The following PLD1 variants were observed in gnomAD, a reference collection of about 807,000 sequenced individuals.
The protein encoded by PLD1 is choline phosphatase 1.
PLD1 carries 112 observed loss-of-function variants against 137.1 expected under a neutral mutation model. The observed-to-expected ratio is 0.82, with a 90% CI of 0.70 to 0.96. PLD1 has a LOEUF of 0.96. PLD1 is among the 40% of genes least tolerant of loss of function. PLD1 has a pLI of 0.00. For synonymous variants in PLD1, 431 were observed against 454.7 expected, an observed-to-expected ratio of 0.95 and a Z score of 0.66; for missense variants, 1,321 against 1,342.0, an observed-to-expected ratio of 0.98 and a Z score of 0.24.
chr3:171,612,488 G>C lies in PLD1; in HGVS notation c.2729-56C>G. ...CTTCCTGTTGTGGCAGACACTGTTG[G>C]TTGCCCTCCCAACTCAATTCATCCT... On this transcript the variant is annotated intron_variant, in intron 24 of 26. Coordinates refer to ENST00000351298, the MANE Select transcript of PLD1 (RefSeq NM_002662.5). This position sits in a 1 kb window ranked among gnomAD's most constrained non-coding sequence, Gnocchi z 4.1. 1 of 1,512,564 alleles carries C rather than the reference G, an allele frequency of 6.6e-7. No individual in the cohort carries two copies. Among genetic ancestry groups the C allele is most frequent in the Non-Finnish European group, 9.2e-7 (1 of 1,090,574 alleles). 93.7% of individuals were successfully genotyped at this position (1,512,564 alleles called of 1,614,324 possible).
chr3:171,605,010 C>T (rs561390294), intron 26 of PLD1, among the ~76,000 whole-genome samples: 1 of 152,272 alleles, frequency 6.6e-6, no homozygotes, highest in South Asian at 2.1e-4. Flanking sequence ...TGTCACTAGA[C>T]ATGTACAAAG....
intron 21 of PLD1, chr3:171,653,658 T>C (rs939887526): frequency 2.0e-5 from 3 of 150,038 alleles, no homozygotes; most frequent in Non-Finnish European, 3.0e-5. Flanking sequence ...GCATAAATAC[T>C]AATTTTGAAA....
At position 171,686,816 on chromosome 3, in the gene PLD1, T is replaced by A. The variant is rs752863457; in HGVS notation, c.1754-18A>T. 2.4e-6 allele frequency: 3 copies of A among 1,234,988 alleles called. No homozygotes were observed. The highest frequency in any genetic ancestry group is 2.4e-5 in the East Asian group (1 of 42,422). 76.5% of individuals were successfully genotyped at this position (1,234,988 alleles called of 1,614,324 possible). On this transcript the variant is annotated intron_variant, in intron 15 of 26. Coordinates refer to ENST00000351298, the MANE Select transcript of PLD1 (RefSeq NM_002662.5). ...AAAATAACCTAGAGAAATTAAGAAT[T>A]TTTTTACAAAAAAATACAAATATCA... is the stretch of plus-strand genomic sequence containing the variant.
chr3:171,692,165 G>A (rs568140200), intron 13 of PLD1, among the ~76,000 whole-genome samples, 167 bp downstream of exon 13: 27 of 152,308 alleles, frequency 1.8e-4, no homozygotes, highest in Admixed American at 1.4e-3. Context: ...TCAATGTAGG[G>A]AAGATAAGAA....
chr3:171,781,065 A>G (rs568577868), intron 1 of PLD1, among the ~76,000 whole-genome samples: 1 of 152,328 alleles, frequency 6.6e-6, no homozygotes, highest in Admixed American at 6.5e-5. Context: ...ACTTCAAGAC[A>G]TCGTAGTAAG....
At chr3:171,624,860 C>A (rs936550822) in intron 23 of PLD1, among the ~76,000 whole-genome samples, 6 of 151,756 alleles carry the variant, frequency 4.0e-5, no homozygotes, top group African/African-American at 1.5e-4. Flanking sequence ...GAGCATTTTT[C>A]CAAGAAGAAA....
intron 1 of PLD1, among the ~76,000 whole-genome samples, chr3:171,767,855 C>T (rs1195771179): frequency 6.6e-6 from 1 of 151,956 alleles, no homozygotes; most frequent in Non-Finnish European, 1.5e-5. Flanking sequence ...AGGTGGGAGG[C>T]TGACTTAAGA....
intron 8 of PLD1, among the ~76,000 whole-genome samples, chr3:171,716,453 T>C (rs1351402737): frequency 6.6e-6 from 1 of 152,242 alleles, no homozygotes; most frequent in African/African-American, 2.4e-5. Context: ...TGAGATGATA[T>C]CTCATTGTGG....
intron 23 of PLD1, among the ~76,000 whole-genome samples, chr3:171,626,002 G>C (rs1734072426): frequency 6.6e-6 from 1 of 152,232 alleles, no homozygotes. Flanking sequence ...GCTGGACGGA[G>C]AATGACTTTG....
At position 171,759,907 on chromosome 3, in the gene PLD1, C is replaced by T. The variant is rs981571395; in HGVS notation, c.-31-21825G>A. On this transcript the variant is annotated intron_variant, in intron 1 of 26. Transcript: ENST00000351298. ...TAACAGAACAGTCTTACTGTCCTTT[C>T]GGTTATTGTCATTTCTCTTGCTTCC... Among the ~76,000 whole-genome samples, 19 of 152,298 alleles carry T rather than the reference C, an allele frequency of 1.2e-4. No homozygotes were observed. The East Asian group carries it at 1.4e-3, about 11-fold the overall frequency.
At chr3:171,686,625 G>A (rs1714584267) in intron 16 of PLD1, 60 bp downstream of exon 16, 3 of 855,602 alleles carry the variant, frequency 3.5e-6, no homozygotes, top group Admixed American at 4.6e-5. Flanking sequence ...TGCCCATGCA[G>A]CAGACAACAC....
chr3:171,801,754 A>T (rs1723656244), intron 1 of PLD1, among the ~76,000 whole-genome samples: 1 of 152,160 alleles, frequency 6.6e-6, no homozygotes. Flanking sequence ...TTACAAAGTG[A>T]TACACATTTC....
chr3:171,639,566 T>TC (rs1491159120), intron 23 of PLD1, among the ~76,000 whole-genome samples: 15 of 67,854 alleles, frequency 2.2e-4, no homozygotes, highest in African/African-American at 5.5e-4. Context: ...TAATATATAT[T>TC]ATATATAATA....
intron 1 of PLD1, among the ~76,000 whole-genome samples, chr3:171,775,218 A>C (rs1003805294): frequency 6.6e-6 from 1 of 152,202 alleles, no homozygotes; most frequent in African/African-American, 2.4e-5. Flanking sequence ...TTAGACATCA[A>C]GGATTTTTCA....
intron 21 of PLD1, among the ~76,000 whole-genome samples, chr3:171,650,549 G>A (rs1736644494): frequency 6.6e-6 from 1 of 152,104 alleles, no homozygotes; most frequent in African/African-American, 2.4e-5. Context: ...AGGGAGAGGA[G>A]GCAGGAGTAG....
intron 25 of PLD1, chr3:171,611,529 C>G: frequency 2.0e-6 from 1 of 506,460 alleles, no homozygotes; most frequent in South Asian, 1.4e-5. Flanking sequence ...TGAAACGAGC[C>G]CAGCTTCCTA....
chr3:171,630,078 C>G (rs1305814465), intron 23 of PLD1, among the ~76,000 whole-genome samples: 1 of 151,794 alleles, frequency 6.6e-6, no homozygotes, highest in Non-Finnish European at 1.5e-5. Flanking sequence ...GAACAGGCAA[C>G]CTACAGAATG....
chr3:171,792,749 C>A (rs1469337910), intron 1 of PLD1: 1 of 455,856 alleles, frequency 2.2e-6, no homozygotes, highest in African/African-American at 2.0e-5. Flanking sequence ...GTTCCAGCAT[C>A]TTTCTAGAGC....
chr3:171,758,156 T>TA (rs936615594), intron 1 of PLD1, among the ~76,000 whole-genome samples: 12 of 152,218 alleles, frequency 7.9e-5, no homozygotes, highest in African/African-American at 2.9e-4. Flanking sequence ...AAACCCTTAT[T>TA]AAGTATGTAC....
Sources: allele counts gnomAD v4.1 joint callset (sites outside exome capture counted in the v4.1 genomes callset), GRCh38; gene constraint gnomAD v4.1.1; non-coding constraint Gnocchi (gnomAD v3.1); transcripts MANE v1.5; gene names NCBI Gene and HGNC (gene_info 2026-07-23, HGNC 2026-07-21).